Variants in FRRS1 observed in about 807,000 individuals in gnomAD.
FRRS1 encodes the protein ferric chelate reductase 1.
Under a neutral mutation model 70.7 loss-of-function variants are expected in FRRS1, and 51 were observed. That is an observed-to-expected ratio of 0.72 (90% CI 0.58 to 0.91). FRRS1 has a LOEUF of 0.91. FRRS1 is among the 40% of genes least tolerant of loss of function. The pLI is 0.00. For synonymous variants in FRRS1, 225 were observed against 238.7 expected, an observed-to-expected ratio of 0.94 and a Z score of 0.53; for missense variants, 672 against 726.0, an observed-to-expected ratio of 0.93 and a Z score of 0.86.
intron 7 of FRRS1, among the ~76,000 whole-genome samples, chr1:99,737,606 A>G (rs1458927452): frequency 6.6e-6 from 1 of 152,222 alleles, no homozygotes; most frequent in African/African-American, 2.4e-5. Flanking sequence ...CTTGGAAGTA[A>G]TTGCCCAACT....
In FRRS1 at chr1:99,710,935, G is replaced by A. The variant is rs750666830; in HGVS notation, c.1495C>T (p.Leu499=). 6.2e-6 allele frequency: 10 copies of A among 1,613,186 alleles called. No homozygotes were observed. Among genetic ancestry groups the A allele is most frequent in the Non-Finnish European group, 8.5e-6 (10 of 1,179,530 alleles). ...TTCAGTCCTGGTAAATCCATTCCCAGGAACATCGCTGCCACTACATACAAA... is the reference window on the plus strand; with the variant it reads ...TTCAGTCCTGGTAAATCCATTCCCAAGAACATCGCTGCCACTACATACAAA... ...ARIIAVAAMF[L]GMDLPGLNLP... is the part of the protein sequence containing the mutation. The change falls in exon 15 of 17, where the codon CTG becomes TTG. Residue 499 remains leucine, a synonymous_variant. Coordinates refer to ENST00000646001, the MANE Select transcript of FRRS1 (RefSeq NM_001361041.2).
chr1:99,745,371 C>T (rs1656199827), intron 4 of FRRS1, among the ~76,000 whole-genome samples: 5 of 152,156 alleles, frequency 3.3e-5, no homozygotes, highest in Admixed American at 3.3e-4. Context: ...AAGCACCTTG[C>T]CAGTAAAAGA....
At chr1:99,711,059 A>G in intron 14 of FRRS1, 110 bp from the exon 15 acceptor site, 1 of 940,062 alleles carries the variant, frequency 1.1e-6, no homozygotes, top group Non-Finnish European at 1.6e-6. Context: ...AGTTTGAGAT[A>G]AAAGAAGATT....
intron 9 of FRRS1, among the ~76,000 whole-genome samples, chr1:99,725,608 C>A (rs774304560): frequency 1.3e-5 from 2 of 152,184 alleles, no homozygotes; most frequent in Non-Finnish European, 2.9e-5. Flanking sequence ...TGGAGAAACA[C>A]CACAGAGGAG....
At chr1:99,754,477 C>T (rs374074831) in intron 1 of FRRS1, among the ~76,000 whole-genome samples, 7 of 143,502 alleles carry the variant, frequency 4.9e-5, no homozygotes, top group South Asian at 2.3e-4. Context: ...GAGAGTGAGA[C>T]CTTGTCTCAA....
chr1:99,758,639 C>G (rs2101001239), intron 1 of FRRS1, among the ~76,000 whole-genome samples: 1 of 152,216 alleles, frequency 6.6e-6, no homozygotes, highest in African/African-American at 2.4e-5. Context: ...GAAATCAGTG[C>G]TCCTTGAAAA....
chr1:99,720,860 C>G (rs1354568596), intron 9 of FRRS1, among the ~76,000 whole-genome samples: 1 of 151,394 alleles, frequency 6.6e-6, no homozygotes, highest in Non-Finnish European at 1.5e-5. Context: ...CACACACACA[C>G]ACACACACAC....
intron 1 of FRRS1, among the ~76,000 whole-genome samples, chr1:99,752,735 A>AC (rs1656633585): frequency 6.7e-6 from 1 of 149,174 alleles, no homozygotes; most frequent in South Asian, 2.1e-4. Flanking sequence ...ATATAATGAG[A>AC]CCCCCATCTC....
intron 15 of FRRS1, 83 bp from the exon 16 acceptor site, chr1:99,709,342 T>A (rs540460154): frequency 2.3e-5 from 20 of 887,022 alleles, no homozygotes; most frequent in Non-Finnish European, 3.6e-5. Flanking sequence ...ATTTGTACTG[T>A]TCACCCCAAT....
Position 99,706,406 on chromosome 1 carries a change from C to T in FRRS1, c.*2622G>A, listed in dbSNP as rs1022636075. On this transcript the variant is annotated 3_prime_UTR_variant, in exon 17 of 17. Transcript: ENST00000646001. The stretch of plus-strand genomic sequence containing the variant: ...CCTGGGCAACAGAGTAAGACCCTGT[C>T]TCAAAAAAAAAAAAAAAAGATTAAA... Among the ~76,000 whole-genome samples the T allele has an allele frequency of 6.1e-5, 8 of 130,870 alleles. No homozygotes were observed. The highest frequency in any genetic ancestry group is 1.1e-4 in the Non-Finnish European group (7 of 63,946). 85.9% of individuals were successfully genotyped at this position (130,870 alleles called of 152,430 possible).
chr1:99,729,180 A>C (rs1655220900), intron 8 of FRRS1, among the ~76,000 whole-genome samples: 1 of 152,214 alleles, frequency 6.6e-6, no homozygotes, highest in Non-Finnish European at 1.5e-5. Flanking sequence ...CCTGCAAAAA[A>C]GACACTTCTC....
At chr1:99,739,406 C>T (rs1187268076) in intron 6 of FRRS1, among the ~76,000 whole-genome samples, 2 of 152,126 alleles carry the variant, frequency 1.3e-5, no homozygotes, top group African/African-American at 4.8e-5. Context: ...GTGTATTTCC[C>T]TAAAGCAGCT....
At chr1:99,737,747 T>TG (rs1553172684) in intron 7 of FRRS1, among the ~76,000 whole-genome samples, 1 of 152,016 alleles carries the variant, frequency 6.6e-6, no homozygotes, top group East Asian at 1.9e-4. Flanking sequence ...TTGTTTGTTT[T>TG]GGGGGGGTTT....
At chr1:99,753,226 A>AG (rs1439100347) in intron 1 of FRRS1, among the ~76,000 whole-genome samples, 1 of 109,548 alleles carries the variant, frequency 9.1e-6, no homozygotes, top group African/African-American at 6.8e-5. Flanking sequence ...TTTAAAAAAA[A>AG]AAAAAAAAAA....
At chr1:99,761,788 TA>T (rs11357060) in intron 1 of FRRS1, among the ~76,000 whole-genome samples, 37,185 of 147,696 alleles carry the variant, frequency 0.25, 4,626 homozygotes, top group South Asian at 0.41. Context: ...ACAGAGCTTA[TA>T]AAAAAAAAAA....
intron 5 of FRRS1, 25 bp downstream of exon 5, chr1:99,742,154 C>G (rs1655996807): frequency 6.9e-7 from 1 of 1,453,878 alleles, no homozygotes; most frequent in Non-Finnish European, 9.7e-7. Flanking sequence ...ATGCCTGGCC[C>G]AGAATTATAA....
chr1:99,706,806 C>T lies in FRRS1; in HGVS notation c.*2222G>A, dbSNP rs1300579334. ...CTATTCAGGAGACTGAGACAAGACTCGCTTGAACCCAGGAGGTGGAGGCTG... is the reference window on the plus strand; with the variant it reads ...CTATTCAGGAGACTGAGACAAGACTTGCTTGAACCCAGGAGGTGGAGGCTG... On this transcript the variant is annotated 3_prime_UTR_variant, in exon 17 of 17. Transcript: ENST00000646001. Among the ~76,000 whole-genome samples the T allele has an allele frequency of 1.3e-5, 2 of 151,862 alleles. No individual in the cohort carries two copies. Among genetic ancestry groups the T allele is most frequent in the Non-Finnish European group, 2.9e-5 (2 of 67,982 alleles).
In FRRS1 at chr1:99,738,196, C is replaced by G. The variant is rs748078597; in HGVS notation, c.649G>C (p.Ala217Pro). The G allele has an allele frequency of 4.8e-5, 78 of 1,613,670 alleles. No homozygotes were observed. The highest frequency in any genetic ancestry group is 6.4e-5 in the Non-Finnish European group (75 of 1,179,728). ...SPLNCDPEKE[A>P]SCVFLSFTRD... ...GTGAAGGACAAGAAGACACAGGAAGCCTCCTTCTCTGGGTCACAGTTCAAA... is the reference window on the plus strand; with the variant it reads ...GTGAAGGACAAGAAGACACAGGAAGGCTCCTTCTCTGGGTCACAGTTCAAA... Residue 217 changes from alanine to proline, a missense_variant, in exon 7 of 17, where the codon GCT becomes CCT. Ala to Pro is a conservative substitution (Grantham distance 27). Coordinates refer to ENST00000646001, the MANE Select transcript of FRRS1 (RefSeq NM_001361041.2).
intron 3 of FRRS1, 172 bp from the exon 4 acceptor site, chr1:99,747,602 C>A: frequency 1.7e-6 from 1 of 602,482 alleles, no homozygotes; most frequent in Non-Finnish European, 2.8e-6. Context: ...AAATTTTTTC[C>A]AGTGTTCCAT....
Sources: gnomAD v4.1 joint callset for allele counts (sites outside exome capture counted in the v4.1 genomes callset) on GRCh38, gnomAD v4.1.1 for gene constraint, MANE v1.5 for transcripts, NCBI Gene and HGNC (gene_info 2026-07-23, HGNC 2026-07-21) for gene names.